DHX32: variants seen among roughly 807,000 people sequenced by gnomAD.
DHX32 encodes the protein DEAH-box helicase 32 (putative).
DHX32 carries 51 observed loss-of-function variants against 70.0 expected under a neutral mutation model. The observed-to-expected ratio is 0.73, with a 90% CI of 0.58 to 0.92. The LOEUF (loss-of-function observed/expected upper bound fraction) is 0.92. DHX32 is among the 40% of genes least tolerant of loss of function. The probability of loss-of-function intolerance (pLI) is 0.00; values close to 1 mark genes in which losing one functional copy is unlikely to be tolerated. For synonymous variants in DHX32, 310 were observed against 315.3 expected (o/e 0.98, Z 0.18); for missense variants, 762 against 891.8 (o/e 0.85, Z 1.85).
chr10:125,843,561 G>A (rs1462541539), intron 6 of DHX32, among the ~76,000 whole-genome samples: 2 of 151,770 alleles, frequency 1.3e-5, no homozygotes, highest in East Asian at 1.9e-4. Flanking sequence ...GTAGTGAGCC[G>A]AGATGGCACC....
At chr10:125,837,482 C>T (rs991178254) in intron 10 of DHX32, among the ~76,000 whole-genome samples, 2 of 152,178 alleles carry the variant, frequency 1.3e-5, no homozygotes, top group Admixed American at 6.5e-5. Flanking sequence ...GGCTGGTGTG[C>T]GGTGGTGTGA....
chr10:125,851,991 A>C (rs891944022), intron 6 of DHX32, among the ~76,000 whole-genome samples: 2 of 151,658 alleles, frequency 1.3e-5, no homozygotes, highest in Non-Finnish European at 2.9e-5. Context: ...CTTTCTGCTG[A>C]TTCACCCTTA....
intron 6 of DHX32, among the ~76,000 whole-genome samples, chr10:125,843,484 C>T (rs1335238387): frequency 2.6e-5 from 4 of 152,028 alleles, no homozygotes; most frequent in African/African-American, 4.8e-5. Context: ...TGGTGGCAGG[C>T]GCCTGTGGTC....
intron 6 of DHX32, among the ~76,000 whole-genome samples, chr10:125,845,819 C>G (rs540304808): frequency 3.3e-5 from 5 of 152,248 alleles, no homozygotes; most frequent in African/African-American, 7.2e-5. Flanking sequence ...CAGTGCCACC[C>G]GCACCGTGAG....
chr10:125,855,354 T>C (rs1944137422), intron 3 of DHX32, among the ~76,000 whole-genome samples: 2 of 151,982 alleles, frequency 1.3e-5, no homozygotes, highest in African/African-American at 4.8e-5. Context: ...CAAGCAAGCT[T>C]CTCACTGGTG....
Position 125,880,786 on chromosome 10 carries a change from A to C in DHX32, c.39T>G (p.Ser13=), listed in dbSNP as rs753215012. 11 of 1,614,194 alleles carry C rather than the reference A, an allele frequency of 6.8e-6. No homozygotes were observed. Among genetic ancestry groups the C allele is most frequent in the Non-Finnish European group, 9.3e-6 (11 of 1,180,022 alleles). ...EEGLECPNSS[S]EKRYFPESLD... is the part of the protein sequence containing the mutation. ...GGGATTCAGGAAAATAGCGTTTTTC[A>C]GAGGAAGAGTTTGGACACTCCAGCC... is the stretch of plus-strand genomic sequence containing the variant. The change falls in exon 1 of 11, where the codon TCT becomes TCG. Residue 13 remains serine, a synonymous_variant. Coordinates refer to ENST00000284690, the MANE Select transcript of DHX32 (RefSeq NM_018180.3).
intron 6 of DHX32, among the ~76,000 whole-genome samples, chr10:125,845,744 A>C (rs1313981692): frequency 2.0e-5 from 3 of 152,226 alleles, no homozygotes; most frequent in Non-Finnish European, 4.4e-5. Flanking sequence ...GGGAGCCAAG[A>C]TCCTTCTGTC....
intron 4 of DHX32, chr10:125,853,144 G>A: frequency 1.2e-6 from 2 of 1,610,464 alleles, no homozygotes; most frequent in South Asian, 1.1e-5. Flanking sequence ...GGGGGCAAGT[G>A]ACAGCCCTGG....
chr10:125,842,008 C>T, intron 6 of DHX32, 74 bp from the exon 7 acceptor site: 5 of 1,434,810 alleles, frequency 3.5e-6, no homozygotes, highest in Non-Finnish European at 4.5e-6. Context: ...GGACTTTTCC[C>T]TCCTGCATGA....
chr10:125,885,829 C>T (rs753271479), upstream of DHX32, among the ~76,000 whole-genome samples: 5 of 152,204 alleles, frequency 3.3e-5, no homozygotes, highest in Non-Finnish European at 5.9e-5. Context: ...CACTACCCCT[C>T]TCACCTGGAT....
intron 10 of DHX32, 45 bp downstream of exon 10, chr10:125,838,161 T>G (rs764346180): frequency 1.9e-5 from 29 of 1,511,212 alleles, no homozygotes; most frequent in Non-Finnish European, 2.5e-5. Context: ...CCTACAGGTA[T>G]GAATTAAAAA....
intron 4 of DHX32, 157 bp downstream of exon 4, chr10:125,853,804 G>A (rs2134046794): frequency 2.6e-6 from 2 of 782,660 alleles, no homozygotes. Context: ...TTTTGTTACT[G>A]GCTGCAATAA....
In DHX32 at chr10:125,841,948, A is replaced by T. The variant is rs1854892488; in HGVS notation, c.1352-14T>A. Reference sequence around the variant, plus strand: ...AACTTTCTGGTGCTAGGAAAGGAAAAAAATAATAATTTAAGAGTCTCATAT... The same window carrying T: ...AACTTTCTGGTGCTAGGAAAGGAAATAAATAATAATTTAAGAGTCTCATAT... On this transcript the variant is annotated splice_polypyrimidine_tract_variant and intron_variant, in intron 6 of 10. Transcript: ENST00000284690. The T allele has an allele frequency of 1.9e-6, 3 of 1,574,064 alleles. No homozygotes were observed. The highest frequency in any genetic ancestry group is 2.6e-6 in the Non-Finnish European group (3 of 1,168,008).
At chr10:125,865,652 C>T (rs1589714121) in intron 2 of DHX32, among the ~76,000 whole-genome samples, 1 of 152,144 alleles carries the variant, frequency 6.6e-6, no homozygotes, top group East Asian at 1.9e-4. Flanking sequence ...GCTTCAGCCT[C>T]CTGAGTAGCT....
intron 8 of DHX32, among the ~76,000 whole-genome samples, chr10:125,839,536 T>C (rs1380639041): frequency 6.6e-6 from 1 of 152,254 alleles, no homozygotes; most frequent in Non-Finnish European, 1.5e-5. Flanking sequence ...ATCTATGTTG[T>C]GTCTCTATGC....
intron 3 of DHX32, 146 bp from the exon 4 acceptor site, chr10:125,854,349 T>TA: frequency 4.6e-6 from 3 of 658,828 alleles, no homozygotes; most frequent in Non-Finnish European, 6.8e-6. Flanking sequence ...CATGTATCTT[T>TA]AAATAAGTAA....
intron 6 of DHX32, among the ~76,000 whole-genome samples, chr10:125,851,056 G>T (rs1299426723): frequency 6.6e-6 from 1 of 152,192 alleles, no homozygotes; most frequent in African/African-American, 2.4e-5. Flanking sequence ...TTTAAAAAGA[G>T]GTCCAGATCA....
rs1247980204 is a variant in DHX32, at chr10:125,838,268, G to A, written c.2001C>T (p.Phe667=). 1.9e-6 allele frequency: 3 copies of A among 1,613,634 alleles called. No individual in the cohort carries two copies. Among genetic ancestry groups the A allele is most frequent in the Non-Finnish European group, 2.5e-6 (3 of 1,179,894 alleles). The change falls in exon 10 of 11, where the codon TTC becomes TTT. Residue 667 remains phenylalanine, a synonymous_variant. Transcript: ENST00000284690. ...TGTTCTCAGAAATGCTGAATTTATG[G>A]AAGAGGACCCACTCTGGCATCTTCT... is the stretch of plus-strand genomic sequence containing the variant. ...ITKKMPEWVL[F]HKFSISENNY...
chr10:125,875,884 G>T (rs1254921660), intron 1 of DHX32, among the ~76,000 whole-genome samples: 1 of 152,182 alleles, frequency 6.6e-6, no homozygotes, highest in Non-Finnish European at 1.5e-5. Context: ...TAAAACTAAT[G>T]AAAGGACACC....
Sources: allele counts gnomAD v4.1 joint callset (sites outside exome capture counted in the v4.1 genomes callset), GRCh38; gene constraint gnomAD v4.1.1; transcripts MANE v1.5; gene names NCBI Gene and HGNC (gene_info 2026-07-23, HGNC 2026-07-21).